The following ROBO2 variants were observed in gnomAD, a reference collection of about 807,000 sequenced individuals.
The protein encoded by ROBO2 is roundabout homolog 2.
Under a neutral mutation model 160.8 loss-of-function variants are expected in ROBO2, and 53 were observed. The ratio of observed to expected loss-of-function variants is 0.33; its 90% CI spans 0.26 to 0.41. The LOEUF (loss-of-function observed/expected upper bound fraction) is 0.41. ROBO2 is among the 10% of genes least tolerant of loss of function. The pLI, the probability that ROBO2 is intolerant of heterozygous loss-of-function variation, is 1.00. For missense variants in ROBO2, 1,577 were observed against 1,722.4 expected, an observed-to-expected ratio of 0.92 and a Z score of 1.49; for synonymous variants, 664 against 611.7, an observed-to-expected ratio of 1.09 and a Z score of -1.26.
At chr3:76,172,644 TA>T (rs1438818327) in intron 2 of ROBO2, among the ~76,000 whole-genome samples, 1 of 151,714 alleles carries the variant, frequency 6.6e-6, no homozygotes, top group Non-Finnish European at 1.5e-5. Flanking sequence ...AGAAAAAAAG[TA>T]ACAAAATCTC....
intron 2 of ROBO2, among the ~76,000 whole-genome samples, chr3:75,968,448 G>C (rs1166473791): frequency 1.3e-5 from 2 of 151,350 alleles, no homozygotes; most frequent in Admixed American, 6.6e-5. Flanking sequence ...AAATTGTTAA[G>C]TTTTGATAAC....
rs143767327 is a variant in ROBO2, at chr3:75,987,104, A to T, written c.109+49502A>T. Reference sequence around the variant, plus strand: ...GAATAGATTATTTCTTTCTATAAAAATTGTTGAAGTTTTGAAAGGCATAGT... The same window carrying T: ...GAATAGATTATTTCTTTCTATAAAATTTGTTGAAGTTTTGAAAGGCATAGT... On this transcript the variant is annotated intron_variant, in intron 2 of 26. Transcript: ENST00000487694. 5.6e-3 allele frequency among the ~76,000 whole-genome samples: 846 copies of T among 152,014 alleles called. 9 individuals carry two copies. Among genetic ancestry groups the T allele is most frequent in the African/African-American group, 0.02 (817 of 41,552 alleles).
intron 2 of ROBO2, among the ~76,000 whole-genome samples, chr3:76,755,329 G>A (rs937783705): frequency 2.6e-5 from 4 of 151,680 alleles, no homozygotes; most frequent in South Asian, 2.1e-4. Flanking sequence ...ATCAGACCTC[G>A]TATTATTATA....
At chr3:77,106,850 T>G (rs916518286) in intron 2 of ROBO2, among the ~76,000 whole-genome samples, 65 of 152,196 alleles carry the variant, frequency 4.3e-4, no homozygotes, top group African/African-American at 1.5e-3. Context: ...TTTTTGTCAC[T>G]GTCTCCCAAA....
Position 77,093,313 on chromosome 3 carries a change from A to T in ROBO2, c.62-4701A>T, listed in dbSNP as rs80041883. Among the ~76,000 whole-genome samples the T allele has an allele frequency of 4.7e-4, 71 of 152,248 alleles. No homozygotes were observed. In the East Asian group the frequency reaches 0.013, roughly 28 times the overall value. On this transcript the variant is annotated intron_variant, in intron 1 of 25. Transcript: ENST00000461745. ...TTAGATGTCCAAAATGTTGAGGTTG[A>T]GCTGTTTCATGGCACTTCCTGTGAT...
chr3:76,641,812 A>G (rs1469980561), intron 2 of ROBO2, among the ~76,000 whole-genome samples: 1 of 152,156 alleles, frequency 6.6e-6, no homozygotes, highest in African/African-American at 2.4e-5. Context: ...ATTATAGCTC[A>G]CTGCAGCTTT....
chr3:76,772,856 A>T (rs2061998612), intron 2 of ROBO2, among the ~76,000 whole-genome samples: 1 of 151,162 alleles, frequency 6.6e-6, no homozygotes, highest in African/African-American at 2.4e-5. Flanking sequence ...AACAACTGAA[A>T]CAAAGAAATT....
intron 20 of ROBO2, chr3:77,603,809 C>T (rs1041820377): frequency 6.6e-6 from 1 of 152,190 alleles, no homozygotes; most frequent in African/African-American, 2.4e-5. Context: ...CACACTCTAA[C>T]TTTCAACCAT....
upstream of ROBO2, among the ~76,000 whole-genome samples, chr3:77,037,402 C>G (rs1190224148): frequency 6.6e-6 from 1 of 152,076 alleles, no homozygotes; most frequent in Non-Finnish European, 1.5e-5. Flanking sequence ...AAAATGGCAC[C>G]AGTCTAAAAT....
intron 2 of ROBO2, among the ~76,000 whole-genome samples, chr3:76,284,885 T>C (rs1246147383): frequency 6.6e-6 from 1 of 152,134 alleles, no homozygotes; most frequent in Non-Finnish European, 1.5e-5. Context: ...TTAAACTCTT[T>C]CAAGCCACAT....
At chr3:76,217,649 T>G (rs1248227271) in intron 2 of ROBO2, among the ~76,000 whole-genome samples, 2 of 151,992 alleles carry the variant, frequency 1.3e-5, no homozygotes, top group Non-Finnish European at 2.9e-5. Context: ...AATAACAGGC[T>G]CTGAAATTGA....
At chr3:77,110,807 C>T (rs1195610733) in intron 2 of ROBO2, among the ~76,000 whole-genome samples, 2 of 152,028 alleles carry the variant, frequency 1.3e-5, no homozygotes, top group East Asian at 1.9e-4. Flanking sequence ...GATCCTTCCA[C>T]CTCAGTCTTC....
In ROBO2 at chr3:76,418,817, T is replaced by C. The variant is rs189337552; in HGVS notation, c.109+481215T>C. ...CTCAAAGACCTTATAATCAGTTCTG[T>C]CAATTGTTAACTGAGTTAGTTTGCA... On this transcript the variant is annotated intron_variant, in intron 2 of 26. Coordinates refer to the ROBO2 transcript ENST00000487694. Among the ~76,000 whole-genome samples, 126 of 152,270 alleles carry C rather than the reference T, an allele frequency of 8.3e-4. No individual in the cohort carries two copies. The East Asian group carries it at 0.019, about 24-fold the overall frequency.
At chr3:76,714,830 T>TAA (rs1180514673) in intron 2 of ROBO2, among the ~76,000 whole-genome samples, 16 of 152,272 alleles carry the variant, frequency 1.1e-4, no homozygotes, top group Admixed American at 8.5e-4. Flanking sequence ...TATAGAGACT[T>TAA]ACGGTTCTGC....
chr3:76,645,689 C>T lies in ROBO2; in HGVS notation c.110-452325C>T, dbSNP rs187246928. The stretch of plus-strand genomic sequence containing the variant: ...TTAGAGAATTTGAAAAAGATGTTGG[C>T]GACTAAAGGCATTCAAAAATTTTTG... On this transcript the variant is annotated intron_variant, in intron 2 of 26. Transcript: ENST00000487694. 4.6e-5 allele frequency among the ~76,000 whole-genome samples: 7 copies of T among 151,770 alleles called. No homozygotes were observed. In the East Asian group the frequency reaches 9.7e-4, roughly 21 times the overall value.
At chr3:75,973,228 C>A (rs2065044816) in intron 2 of ROBO2, among the ~76,000 whole-genome samples, 1 of 151,638 alleles carries the variant, frequency 6.6e-6, no homozygotes, top group Non-Finnish European at 1.5e-5. Flanking sequence ...AACTACAAAT[C>A]TATTCTGTAA....
chr3:76,897,816 G>T (rs1338154891), intron 2 of ROBO2, among the ~76,000 whole-genome samples: 2 of 150,312 alleles, frequency 1.3e-5, no homozygotes, highest in Admixed American at 6.6e-5. Context: ...CTCTTCATTT[G>T]TCTGTCCAAT....
intron 2 of ROBO2, among the ~76,000 whole-genome samples, chr3:76,690,266 A>G (rs988987639): frequency 6.6e-5 from 10 of 152,082 alleles, no homozygotes; most frequent in Admixed American, 3.9e-4. Flanking sequence ...GGTCCTTGCT[A>G]TGACCTGAAT....
chr3:76,437,839 T>A (rs921981856), intron 2 of ROBO2, among the ~76,000 whole-genome samples: 4 of 152,196 alleles, frequency 2.6e-5, no homozygotes, highest in Non-Finnish European at 5.9e-5. Flanking sequence ...AGCAGTTGTT[T>A]AATTATGCCA....
Sources: allele counts gnomAD v4.1 joint callset (sites outside exome capture counted in the v4.1 genomes callset), GRCh38; gene constraint gnomAD v4.1.1; transcripts MANE v1.5; gene names NCBI Gene and HGNC (gene_info 2026-07-23, HGNC 2026-07-21).